The following SPATC1 variants were observed in gnomAD, a reference collection of about 807,000 sequenced individuals.
SPATC1 encodes the protein spermatogenesis and centriole associated 1.
A neutral mutation model predicts 36.5 loss-of-function variants in SPATC1; 35 were observed. That is an observed-to-expected ratio of 0.96 (90% confidence interval 0.73 to 1.27). The LOEUF (loss-of-function observed/expected upper bound fraction) is 1.27. Ranked by LOEUF, SPATC1 falls within the 50% of genes most tolerant of loss-of-function variation. The probability of loss-of-function intolerance (pLI) is 0.00; values close to 1 mark genes in which losing one functional copy is unlikely to be tolerated. For missense variants in SPATC1, 779 were observed against 796.0 expected, an observed-to-expected ratio of 0.98 and a Z score of 0.26; for synonymous variants, 361 against 353.6, an observed-to-expected ratio of 1.02 and a Z score of -0.24.
rs782728040 is a variant in SPATC1 at position 144,046,769 on chromosome 8, A to T, written c.1589A>T (p.Asn530Ile). Residue 530 changes from asparagine to isoleucine, a missense_variant, in exon 5 of 5, where the codon AAC becomes ATC. Physicochemically the swap from Asn to Ile is moderately radical, Grantham distance 149. Transcript: ENST00000377470. The surrounding 1 kb of genome is among the most constrained non-coding windows in gnomAD (Gnocchi z 6.6). ...CCTGCGCTGACCGAGCAGCTGGTGA[A>T]CGCTTATGGCATCCTGCGAGAGCGC... ...VHPALTEQLV[N>I]AYGILRERPE... 1.2e-6 allele frequency: 2 copies of T among 1,611,196 alleles called. No homozygotes were observed. Among genetic ancestry groups the T allele is most frequent in the Middle Eastern group, 1.6e-4 (1 of 6,062 alleles).
At chr8:144,027,051 C>G (rs1304384729) in intron 1 of SPATC1, among the ~76,000 whole-genome samples, 1 of 133,856 alleles carries the variant, frequency 7.5e-6, no homozygotes, top group African/African-American at 2.9e-5. Context: ...CCAGGATGGT[C>G]TCGATCTCCT....
chr8:144,032,508 C>T lies in SPATC1; in HGVS notation c.212-7401C>T, dbSNP rs1034006658. Among the ~76,000 whole-genome samples the T allele has an allele frequency of 2.2e-3, 329 of 151,902 alleles. 2 individuals are homozygous for T. The highest frequency in any genetic ancestry group is 7.6e-3 in the African/African-American group (315 of 41,438). ...AGCCAGGATGGTCTCGATCTCTTGACCTCATGATCTGCCCACCTCAGCCTC... is the reference window on the plus strand; with the variant it reads ...AGCCAGGATGGTCTCGATCTCTTGATCTCATGATCTGCCCACCTCAGCCTC... On this transcript the variant is annotated intron_variant, in intron 1 of 4. Transcript: ENST00000377470.
chr8:144,021,715 A>ATCTTCTTCCCT (rs1278829926), intron 1 of SPATC1, among the ~76,000 whole-genome samples: 1,093 of 51,366 alleles, frequency 0.021, no homozygotes, highest in East Asian at 0.026. Context: ...CCCCCTCAGG[A>ATCTTCTTCCCT]GCCTCTTCCC....
chr8:144,038,323 C>T (rs1213654688), intron 1 of SPATC1, among the ~76,000 whole-genome samples: 1 of 148,600 alleles, frequency 6.7e-6, no homozygotes, highest in Non-Finnish European at 1.5e-5. Context: ...GTCCCAGCTA[C>T]TCAGGAGGCT....
intron 1 of SPATC1, among the ~76,000 whole-genome samples, chr8:144,026,084 C>T (rs1203953645): frequency 6.6e-6 from 1 of 152,038 alleles, no homozygotes; most frequent in African/African-American, 2.4e-5. Flanking sequence ...AGCTATCACA[C>T]CCCTACCCTC....
chr8:144,041,172 GCTGCTGAGCCCAGCTCCT>G, intron 3 of SPATC1, 42 bp from the exon 4 acceptor site: 1 of 1,600,348 alleles, frequency 6.2e-7, no homozygotes, highest in Non-Finnish European at 8.5e-7. Flanking sequence ...GCCTGCCTGG[GCTGCTGAGCCCAGCTCCT>G]CTCACCCTCT....
chr8:144,041,699 C>T (rs544640157), intron 4 of SPATC1, among the ~76,000 whole-genome samples: 2 of 152,306 alleles, frequency 1.3e-5, no homozygotes, highest in Admixed American at 1.3e-4. Context: ...ATGCGTGTGG[C>T]AGGCTGTAGA....
rs1034365955 is a variant in SPATC1, at chr8:144,016,452, T to C, written c.211+3726T>C. On this transcript the variant is annotated intron_variant, in intron 1 of 4. Transcript: ENST00000377470. This position sits in a 1 kb window ranked among gnomAD's most constrained non-coding sequence, Gnocchi z 4.5. ...TTTGGCGTATGTCTGATTGTGTGAG[T>C]GTATATGGTGTGTGTGTGGTGTGTT... Among the ~76,000 whole-genome samples, 22 of 151,714 alleles carry C rather than the reference T, an allele frequency of 1.5e-4. No homozygotes were observed. Among genetic ancestry groups the C allele is most frequent in the Admixed American group, 9.9e-4 (15 of 15,216 alleles).
intron 1 of SPATC1, among the ~76,000 whole-genome samples, chr8:144,036,536 C>T (rs1244827467): frequency 3.3e-5 from 5 of 152,128 alleles, no homozygotes; most frequent in East Asian, 3.9e-4. Context: ...GTTGCCCAGG[C>T]TGGTCTCGAA....
At chr8:144,038,984 C>G (rs890070681) in intron 1 of SPATC1, among the ~76,000 whole-genome samples, 6 of 152,204 alleles carry the variant, frequency 3.9e-5, no homozygotes, top group Admixed American at 2.6e-4. Flanking sequence ...TAGAGAAGGT[C>G]TCCAAGGCAA....
In SPATC1 at chr8:144,046,881, C is replaced by T. The variant is rs140647326; in HGVS notation, c.1701C>T (p.Leu567=). 1.3e-5 allele frequency: 21 copies of T among 1,599,866 alleles called. No individual in the cohort carries two copies. Among genetic ancestry groups the T allele is most frequent in the African/African-American group, 5.3e-5 (4 of 74,920 alleles). The change falls in exon 5 of 5, where the codon CTC becomes CTT. Residue 567 remains leucine, a synonymous_variant. Transcript: ENST00000377470. The surrounding 1 kb of genome is among the most constrained non-coding windows in gnomAD (Gnocchi z 6.6). ...VVVETVHPGM[L]ADALLLLSCL... Reference sequence around the variant, plus strand: ...TGGAGACCGTGCACCCCGGCATGCTCGCCGACGCGCTGCTGCTGCTCTCCT... The same window carrying T: ...TGGAGACCGTGCACCCCGGCATGCTTGCCGACGCGCTGCTGCTGCTCTCCT...
intron 1 of SPATC1, among the ~76,000 whole-genome samples, chr8:144,032,617 ATAT>A (rs1834819777): frequency 6.6e-6 from 1 of 152,098 alleles, no homozygotes; most frequent in Non-Finnish European, 1.5e-5. Flanking sequence ...GACATTTTAA[ATAT>A]TATAACGTGG....
intron 1 of SPATC1, among the ~76,000 whole-genome samples, chr8:144,024,108 C>T (rs1834620435): frequency 1.3e-5 from 2 of 151,058 alleles, no homozygotes; most frequent in South Asian, 4.2e-4. Context: ...AGCCTCTCCC[C>T]TCCGGACCCT....
intron 4 of SPATC1, among the ~76,000 whole-genome samples, chr8:144,043,296 TACA>T (rs1554756363): frequency 6.7e-6 from 1 of 148,478 alleles, no homozygotes; most frequent in African/African-American, 2.6e-5. Flanking sequence ...TGCCCAGCCT[TACA>T]TTTTTTTTTT....
At chr8:144,034,366 T>C (rs1054854410) in intron 1 of SPATC1, among the ~76,000 whole-genome samples, 1 of 151,480 alleles carries the variant, frequency 6.6e-6, no homozygotes, top group Non-Finnish European at 1.5e-5. Context: ...AGCAGGGCTG[T>C]GGCCCCTCCT....
intron 1 of SPATC1, among the ~76,000 whole-genome samples, chr8:144,014,404 G>GAAT (rs1834341918): frequency 6.7e-6 from 1 of 149,702 alleles, no homozygotes; most frequent in Non-Finnish European, 1.5e-5. Flanking sequence ...AGAACAAGAA[G>GAAT]AAGAAGGAGG....
At chr8:144,029,588 T>C (rs1364737188) in intron 1 of SPATC1, among the ~76,000 whole-genome samples, 2 of 152,250 alleles carry the variant, frequency 1.3e-5, no homozygotes, top group East Asian at 3.9e-4. Context: ...CAAATAAAAA[T>C]AAAGAGTGTG....
intron 1 of SPATC1, among the ~76,000 whole-genome samples, chr8:144,017,014 G>A (rs1159853634): frequency 2.0e-5 from 3 of 152,220 alleles, no homozygotes; most frequent in South Asian, 4.1e-4. Context: ...TGGGGGAAAT[G>A]GATTGGAGGG....
intron 1 of SPATC1, among the ~76,000 whole-genome samples, chr8:144,015,605 G>A (rs1482409582): frequency 1.3e-5 from 2 of 150,974 alleles, no homozygotes; most frequent in East Asian, 3.9e-4. Flanking sequence ...AGCCGGGTGT[G>A]GTGGCAGGCG....
Sources: gnomAD v4.1 joint callset for allele counts (sites outside exome capture counted in the v4.1 genomes callset) on GRCh38, gnomAD v4.1.1 for gene constraint, Gnocchi (gnomAD v3.1) non-coding constraint, MANE v1.5 for transcripts, NCBI Gene and HGNC (gene_info 2026-07-23, HGNC 2026-07-21) for gene names.